LRBA: variants seen among roughly 807,000 people sequenced by gnomAD.
LRBA encodes the protein LPS responsive beige-like anchor protein.
A neutral mutation model predicts 330.0 loss-of-function variants in LRBA; 176 were observed. That is an observed-to-expected ratio of 0.53 (90% CI 0.47 to 0.60). The LOEUF is 0.60. Ranked by LOEUF, LRBA falls within the 20% of genes least tolerant of loss-of-function variation. The pLI is 0.00. For synonymous variants in LRBA, 1,230 were observed against 1,193.0 expected, an observed-to-expected ratio of 1.03 and a Z score of -0.64; for missense variants, 3,259 against 3,444.8, an observed-to-expected ratio of 0.95 and a Z score of 1.35.
intron 47 of LRBA, among the ~76,000 whole-genome samples, chr4:150,401,981 G>A (rs1745532423): frequency 6.6e-6 from 1 of 152,012 alleles, no homozygotes; most frequent in African/African-American, 2.4e-5. Flanking sequence ...GTTAACAATA[G>A]TGAACCTGAG....
At chr4:150,502,618 A>C (rs1377800466) in intron 40 of LRBA, among the ~76,000 whole-genome samples, 1 of 152,242 alleles carries the variant, frequency 6.6e-6, no homozygotes, top group African/African-American at 2.4e-5. Context: ...TACAGCTCCC[A>C]GTGTGAGCAA....
At chr4:150,803,149 T>C (rs1162696417) in intron 33 of LRBA, among the ~76,000 whole-genome samples, 2 of 148,604 alleles carry the variant, frequency 1.3e-5, no homozygotes, top group African/African-American at 2.5e-5. Flanking sequence ...TATATAAACA[T>C]ATATATTTCT....
Position 150,871,336 on chromosome 4 carries a change from C to T in LRBA, c.2367+9G>A. 2.0e-6 allele frequency: 3 copies of T among 1,513,872 alleles called. No individual in the cohort carries two copies. Among genetic ancestry groups the T allele is most frequent in the East Asian group, 2.3e-5 (1 of 44,092 alleles). 93.8% of individuals were successfully genotyped at this position (1,513,872 alleles called of 1,614,324 possible). ...AATTTAGAGGAGTAAATCCTAAGTACATTCCTACCTCAAACAGCACATTAT... is the reference window on the plus strand; with the variant it reads ...AATTTAGAGGAGTAAATCCTAAGTATATTCCTACCTCAAACAGCACATTAT... On this transcript the variant is annotated intron_variant, in intron 19 of 56. Transcript: ENST00000651943.
chr4:150,312,174 A>G (rs1342330676), intron 51 of LRBA, among the ~76,000 whole-genome samples: 1 of 152,100 alleles, frequency 6.6e-6, no homozygotes, highest in African/African-American at 2.4e-5. Flanking sequence ...CAAAGGCTTG[A>G]TGCCCCCTCA....
intron 38 of LRBA, among the ~76,000 whole-genome samples, chr4:150,594,767 T>C (rs1416079990): frequency 2.0e-5 from 3 of 152,018 alleles, no homozygotes; most frequent in Non-Finnish European, 4.4e-5. Flanking sequence ...ATGAAAGGCC[T>C]AAGAGAGAGA....
intron 36 of LRBA, among the ~76,000 whole-genome samples, chr4:150,696,227 T>A (rs998070232): frequency 6.6e-6 from 1 of 151,962 alleles, no homozygotes; most frequent in African/African-American, 2.4e-5. Context: ...AGACCCTGTC[T>A]CAAAAACAAA....
At chr4:150,955,028 C>A (rs1216700407) in intron 2 of LRBA, among the ~76,000 whole-genome samples, 1 of 148,920 alleles carries the variant, frequency 6.7e-6, no homozygotes, top group Non-Finnish European at 1.5e-5. Flanking sequence ...GTAATCCCAG[C>A]ACTTCAGGAG....
intron 34 of LRBA, among the ~76,000 whole-genome samples, chr4:150,794,778 T>C (rs1020258010): frequency 3.9e-5 from 6 of 152,164 alleles, no homozygotes; most frequent in Admixed American, 1.3e-4. Context: ...CAGTCCAGAC[T>C]ACATGGTGCT....
chr4:150,410,508 G>C (rs1340989035), intron 47 of LRBA, among the ~76,000 whole-genome samples: 1 of 152,024 alleles, frequency 6.6e-6, no homozygotes. Context: ...TAGTAGAGGA[G>C]ACAAAAGCTA....
intron 37 of LRBA, among the ~76,000 whole-genome samples, chr4:150,636,686 T>C (rs1412141096): frequency 6.6e-6 from 1 of 152,168 alleles, no homozygotes. Context: ...CAGTACTTTA[T>C]TGCCCAGCTG....
intron 36 of LRBA, chr4:150,721,412 A>C (rs1187071803): frequency 9.8e-6 from 3 of 305,870 alleles, no homozygotes; most frequent in African/African-American, 6.8e-5. Context: ...TCAAAGTTAT[A>C]ACATATTCAG....
chr4:150,642,429 A>G (rs1778771074), intron 37 of LRBA, among the ~76,000 whole-genome samples: 1 of 151,960 alleles, frequency 6.6e-6, no homozygotes, highest in Non-Finnish European at 1.5e-5. Context: ...ATTAATACTA[A>G]AATATTCATA....
intron 38 of LRBA, among the ~76,000 whole-genome samples, chr4:150,594,468 C>A (rs868681632): frequency 6.6e-6 from 1 of 151,972 alleles, no homozygotes; most frequent in South Asian, 2.1e-4. Flanking sequence ...TGAGCATATT[C>A]TACACACGTC....
rs980019539 is a variant in LRBA at position 150,562,825 on chromosome 4, G to T, written c.6330+25223C>A. 3.3e-5 allele frequency among the ~76,000 whole-genome samples: 5 copies of T among 151,040 alleles called. No homozygotes were observed. The East Asian group carries it at 9.7e-4, about 29-fold the overall frequency. On this transcript the variant is annotated intron_variant, in intron 40 of 56. Transcript: ENST00000651943. ...TTGAAATAATTTTTTTTTTAATAGG[G>T]GTCTTGCTCTGTTGACCAGGCTGGA...
intron 22 of LRBA, among the ~76,000 whole-genome samples, chr4:150,859,010 G>T (rs958641026): frequency 1.3e-5 from 2 of 151,922 alleles, no homozygotes; most frequent in Admixed American, 6.6e-5. Flanking sequence ...CAATCTAAAT[G>T]GTAGTTTTTT....
intron 47 of LRBA, among the ~76,000 whole-genome samples, chr4:150,371,181 A>ATTTTTTTTTTTT (rs1274384749): frequency 2.0e-4 from 27 of 136,802 alleles, no homozygotes; most frequent in African/African-American, 7.7e-4. Context: ...CAAGCTACTA[A>ATTTTTTTTTTTT]ATTTTTTTTT....
chr4:150,423,698 A>G, intron 46 of LRBA: 1 of 207,000 alleles, frequency 4.8e-6, no homozygotes, highest in Non-Finnish European at 9.6e-6. Context: ...CACGCCCCGC[A>G]CAGCAGCTCC....
chr4:150,776,859 T>C (rs1229677093), intron 34 of LRBA, among the ~76,000 whole-genome samples: 1 of 152,072 alleles, frequency 6.6e-6, no homozygotes, highest in African/African-American at 2.4e-5. Flanking sequence ...TATAGAATAG[T>C]AGATGAATAA....
At chr4:150,550,111 G>A (rs1766397782) in intron 40 of LRBA, among the ~76,000 whole-genome samples, 1 of 151,976 alleles carries the variant, frequency 6.6e-6, no homozygotes, top group African/African-American at 2.4e-5. Flanking sequence ...CTAGCACAAT[G>A]GCATGCATAT....
Sources: allele counts gnomAD v4.1 joint callset (sites outside exome capture counted in the v4.1 genomes callset), GRCh38; gene constraint gnomAD v4.1.1; transcripts MANE v1.5; gene names NCBI Gene and HGNC (gene_info 2026-07-23, HGNC 2026-07-21).